The following PRDM15 variants were observed in gnomAD, a reference collection of about 807,000 sequenced individuals.
PRDM15 encodes the protein PR domain zinc finger protein 15.
In PRDM15, 64 loss-of-function variants were observed where a neutral mutation model predicts 128.6. The observed-to-expected ratio is 0.50, with a 90% CI of 0.41 to 0.61. The LOEUF (loss-of-function observed/expected upper bound fraction) is 0.61. Ranked by LOEUF, PRDM15 falls within the 20% of genes least tolerant of loss-of-function variation. The probability of loss-of-function intolerance (pLI) is 0.00; values close to 1 mark genes in which losing one functional copy is unlikely to be tolerated. For missense variants in PRDM15, 1,242 were observed against 1,569.1 expected (o/e 0.79, Z 3.52); for synonymous variants, 615 against 621.8 (o/e 0.99, Z 0.16).
rs1036434289 is a variant in PRDM15, at chr21:41,862,395, C to A, written c.-9-2023G>T. On this transcript the variant is annotated intron_variant, in intron 1 of 23. Transcript: ENST00000398548. This position sits in a 1 kb window ranked among gnomAD's most constrained non-coding sequence, Gnocchi z 4.1. ...GAGGCCTTGTGTGGCCGCCTCTCCC[C>A]GGGGCAGACCTTGCCTCTGGCCTAC... Among the ~76,000 whole-genome samples, 1 of 152,158 alleles carries A rather than the reference C, an allele frequency of 6.6e-6. No homozygotes were observed. Among genetic ancestry groups the A allele is most frequent in the Non-Finnish European group, 1.5e-5 (1 of 68,030 alleles).
At chr21:41,871,485 T>C (rs2064207553) in intron 1 of PRDM15, 3 of 1,586,356 alleles carry the variant, frequency 1.9e-6, no homozygotes, top group Non-Finnish European at 1.7e-6. Flanking sequence ...CCTACTGGAG[T>C]GAGCCCACCA....
intron 17 of PRDM15, 31 bp from the exon 18 acceptor site, chr21:41,819,732 C>T (rs566693059): frequency 5.7e-6 from 9 of 1,573,972 alleles, no homozygotes; most frequent in South Asian, 1.1e-5. Context: ...CACTCAGAGC[C>T]GAGCAGCTCC....
At chr21:41,860,494 C>G (rs2063778152) in intron 1 of PRDM15, 122 bp from the exon 2 acceptor site, 1 of 741,412 alleles carries the variant, frequency 1.3e-6, no homozygotes. Flanking sequence ...AGGATCTTGG[C>G]TCACTGCAAC....
In PRDM15 at chr21:41,820,069, G is replaced by C. The variant is rs1235417894; in HGVS notation, c.2140+26C>G. The C allele has an allele frequency of 3.1e-6, 5 of 1,604,892 alleles. No homozygotes were observed. In the African/African-American group the frequency reaches 5.4e-5, roughly 17 times the overall value. Reference sequence around the variant, plus strand: ...GCCAGCCCCCTCCAGCGAGGGCCGGGACCCCAAATGCTGACAGACACGCAC... The same window carrying C: ...GCCAGCCCCCTCCAGCGAGGGCCGGCACCCCAAATGCTGACAGACACGCAC... On this transcript the variant is annotated intron_variant, in intron 17 of 23. Coordinates refer to ENST00000398548, the MANE Select transcript of PRDM15 (RefSeq NM_001040424.3).
rs941433842 is a variant in PRDM15, at chr21:41,799,394, G to A, written c.*1846C>T. 2.0e-5 allele frequency: 3 copies of A among 152,178 alleles called. No individual in the cohort carries two copies. The highest frequency in any genetic ancestry group is 7.2e-5 in the African/African-American group (3 of 41,440). 9.4% of individuals were successfully genotyped at this position (152,178 alleles called of 1,614,324 possible). On this transcript the variant is annotated 3_prime_UTR_variant, in exon 24 of 24. Transcript: ENST00000398548. ...CGAATTCATTTGATGAGACTACTAT[G>A]TATAAAACAGTTAATTATATACATA...
rs145501762 is a variant in PRDM15 at position 41,847,136 on chromosome 21, C to T, written c.594G>A (p.Ala198=). Residue 198 remains alanine, a synonymous_variant, in exon 6 of 24, where the codon GCG becomes GCA. Transcript: ENST00000398548. ...APVESEPSQW[A]CKVCSATFLE... is the part of the protein sequence containing the mutation. ...GGAAGGTGGCAGAACACACTTTACA[C>T]GCCCACTGGCTGGGCTCCGACTCCA... The T allele has an allele frequency of 2.1e-4, 333 of 1,555,650 alleles. 2 individuals carry two copies. The highest frequency in any genetic ancestry group is 1.7e-3 in the Middle Eastern group (10 of 5,998).
rs541033021 is a variant in PRDM15 at position 41,836,723 on chromosome 21, G to C, written c.1002-74C>G. ...TCCAGGTTACAAGCAGCATGAAAAC[G>C]GCCTCCTTCCAAAACTTCCCAGCTA... On this transcript the variant is annotated intron_variant, in intron 8 of 23. Coordinates refer to ENST00000398548, the MANE Select transcript of PRDM15 (RefSeq NM_001040424.3). The C allele has an allele frequency of 4.5e-6, 6 of 1,340,000 alleles. No homozygotes were observed. In the Middle Eastern group the frequency reaches 7.6e-4, roughly 170 times the overall value. The allele number at this position is 1,340,000 out of a possible 1,614,324, so 83.0% of individuals were successfully genotyped here.
chr21:41,868,072 A>G (rs2064077590), intron 1 of PRDM15, among the ~76,000 whole-genome samples: 1 of 152,186 alleles, frequency 6.6e-6, no homozygotes, highest in Non-Finnish European at 1.5e-5. Context: ...ATATAAATGA[A>G]ATCAGACAGC....
intron 18 of PRDM15, 26 bp downstream of exon 18, chr21:41,819,555 GC>G: frequency 6.2e-7 from 1 of 1,606,458 alleles, no homozygotes; most frequent in Non-Finnish European, 8.5e-7. Flanking sequence ...GCTGAGCCTG[GC>G]CCATGTCCCC....
Position 41,801,528 on chromosome 21 carries a change from A to G in PRDM15, c.3138T>C (p.Asp1046=). 6.2e-7 allele frequency: 1 copy of G among 1,614,200 alleles called. No individual in the cohort carries two copies. Among genetic ancestry groups the G allele is most frequent in the East Asian group, 2.2e-5 (1 of 44,880 alleles). The change falls in exon 24 of 24, where the codon GAT becomes GAC. Residue 1046 remains aspartate (D), a synonymous_variant. Coordinates refer to ENST00000398548, the MANE Select transcript of PRDM15 (RefSeq NM_001040424.3). ...GCAACATGGCAGAGCCGCTGACGGTATCAAAGGTCACGGTCAGGATTGAGT... is the reference window on the plus strand; with the variant it reads ...GCAACATGGCAGAGCCGCTGACGGTGTCAAAGGTCACGGTCAGGATTGAGT... The part of the protein sequence containing the change: ...LDNSILTVTF[D]TVSGSAMLHN...
intron 16 of PRDM15, 33 bp from the exon 17 acceptor site, chr21:41,820,207 C>T (rs1403273437): frequency 1.3e-6 from 2 of 1,585,056 alleles, no homozygotes; most frequent in East Asian, 2.2e-5. Flanking sequence ...GATGGCCGCA[C>T]AGCCTCGGGG....
intron 3 of PRDM15, among the ~76,000 whole-genome samples, 167 bp from the exon 4 acceptor site, chr21:41,857,496 C>T (rs1442328817): frequency 6.6e-6 from 1 of 152,230 alleles, no homozygotes; most frequent in East Asian, 1.9e-4. Flanking sequence ...TGGCTCACGC[C>T]TGTAATCCCA....
In PRDM15 at chr21:41,859,301, G is replaced by A; in HGVS notation, c.131+291C>T. On this transcript the variant is annotated intron_variant, in intron 3 of 23. Coordinates refer to ENST00000398548, the MANE Select transcript of PRDM15 (RefSeq NM_001040424.3). The surrounding 1 kb of genome is among the most constrained non-coding windows in gnomAD (Gnocchi z 5.3). ...GGTGCTCAGCACGTCAACCACCTTG[G>A]CAAGTCCACTCTTCTGCAGCCTCCA... is the stretch of plus-strand genomic sequence containing the variant. 7.2e-7 allele frequency: 1 copy of A among 1,396,920 alleles called. No individual in the cohort carries two copies. The highest frequency in any genetic ancestry group is 1.0e-6 in the Non-Finnish European group (1 of 998,736). 86.5% of individuals were successfully genotyped at this position (1,396,920 alleles called of 1,614,324 possible). A position where few individuals can be genotyped will look rare whatever the true frequency, so the allele number is the denominator to read the frequency against.
At chr21:41,806,503 AT>A in intron 21 of PRDM15, among the ~76,000 whole-genome samples, 2 of 53,424 alleles carry the variant, frequency 3.7e-5, no homozygotes, top group Non-Finnish European at 3.5e-5. Context: ...CATCACCACC[AT>A]CACCATCACC....
chr21:41,827,353 C>T (rs1458003031), intron 12 of PRDM15, among the ~76,000 whole-genome samples: 1 of 152,100 alleles, frequency 6.6e-6, no homozygotes, highest in African/African-American at 2.4e-5. Context: ...GGTTATACTT[C>T]ATTTTTTATT....
intron 21 of PRDM15, among the ~76,000 whole-genome samples, chr21:41,808,728 A>G (rs1245770886): frequency 6.8e-6 from 1 of 147,504 alleles, no homozygotes; most frequent in Non-Finnish European, 1.5e-5. Context: ...TACACACATT[A>G]TATATGTGCA....
At chr21:41,838,807 C>T (rs1320459847) in intron 7 of PRDM15, among the ~76,000 whole-genome samples, 1 of 152,234 alleles carries the variant, frequency 6.6e-6, no homozygotes, top group Admixed American at 6.5e-5. Flanking sequence ...GAATATTCCA[C>T]AATGGCTGCT....
In PRDM15 at chr21:41,879,107, G is replaced by C; in HGVS notation, c.-10+163C>G. The C allele has an allele frequency of 9.1e-7, 1 of 1,097,674 alleles. No homozygotes were observed. The highest frequency in any genetic ancestry group is 3.8e-5 in the Admixed American group (1 of 26,326). 68.0% of individuals were successfully genotyped at this position (1,097,674 alleles called of 1,614,324 possible). A position where few individuals can be genotyped will look rare whatever the true frequency, so the allele number is the denominator to read the frequency against. Reference sequence around the variant, plus strand: ...CAGCCGGCGAATGTAACAAAGAACAGTCGGCATGGCGGCTGGACCGGGGCG... The same window carrying C: ...CAGCCGGCGAATGTAACAAAGAACACTCGGCATGGCGGCTGGACCGGGGCG... On this transcript the variant is annotated intron_variant, in intron 1 of 23. Transcript: ENST00000398548. This position sits in a 1 kb window ranked among gnomAD's most constrained non-coding sequence, Gnocchi z 5.1.
chr21:41,826,454 T>G (rs1320155886), intron 12 of PRDM15, among the ~76,000 whole-genome samples: 1 of 152,218 alleles, frequency 6.6e-6, no homozygotes, highest in East Asian at 1.9e-4. Flanking sequence ...GATAGTGAAA[T>G]AGGCAGGCAT....
Sources: allele counts gnomAD v4.1 joint callset (sites outside exome capture counted in the v4.1 genomes callset), GRCh38; gene constraint gnomAD v4.1.1; non-coding constraint Gnocchi (gnomAD v3.1); transcripts MANE v1.5; gene names NCBI Gene and HGNC (gene_info 2026-07-23, HGNC 2026-07-21).